Variants in FBXL17 observed in about 807,000 individuals in gnomAD.
FBXL17 encodes the protein F-box/LRR-repeat protein 17.
In FBXL17, 22 loss-of-function variants were observed where a neutral mutation model predicts 66.2. That is an observed-to-expected ratio of 0.33 (90% CI 0.24 to 0.47). The LOEUF is 0.47. FBXL17 is among the 20% of genes least tolerant of loss of function. The pLI is 1.00. For synonymous variants in FBXL17, 474 were observed against 400.5 expected, an observed-to-expected ratio of 1.18 and a Z score of -2.19; for missense variants, 878 against 948.2, an observed-to-expected ratio of 0.93 and a Z score of 0.97.
At chr5:107,951,914 A>T (rs1027002251) in intron 7 of FBXL17, among the ~76,000 whole-genome samples, 1 of 152,236 alleles carries the variant, frequency 6.6e-6, no homozygotes, top group Non-Finnish European at 1.5e-5. Context: ...AACCAGTTTT[A>T]AAAAAGCAAA....
chr5:108,239,556 C>G (rs530932747), intron 4 of FBXL17, among the ~76,000 whole-genome samples: 3 of 152,300 alleles, frequency 2.0e-5, no homozygotes, highest in Admixed American at 2.0e-4. Context: ...CAGTCAAAAC[C>G]TGAGTTTTGG....
rs543265912 is a variant in FBXL17 at position 108,151,132 on chromosome 5, T to C, written c.1745+34985A>G. 3.9e-5 allele frequency among the ~76,000 whole-genome samples: 6 copies of C among 152,280 alleles called. No individual in the cohort carries two copies. The East Asian group carries it at 1.2e-3, about 29-fold the overall frequency. On this transcript the variant is annotated intron_variant, in intron 6 of 8. Transcript: ENST00000542267. Reference sequence around the variant, plus strand: ...ACTCAGTATAAAGAGTCTCTTTTTTTCCCTAAATCTTTAGAACTTTATCTG... The same window carrying C: ...ACTCAGTATAAAGAGTCTCTTTTTTCCCCTAAATCTTTAGAACTTTATCTG...
intron 6 of FBXL17, among the ~76,000 whole-genome samples, chr5:108,107,317 C>T (rs1749840387): frequency 6.6e-6 from 1 of 152,110 alleles, no homozygotes; most frequent in South Asian, 2.1e-4. Flanking sequence ...GGTGATCCAC[C>T]CACCTTGGCT....
At chr5:108,305,927 A>T (rs1041178921) in intron 4 of FBXL17, among the ~76,000 whole-genome samples, 3 of 152,022 alleles carry the variant, frequency 2.0e-5, no homozygotes, top group Admixed American at 2.0e-4. Context: ...TTTCCTTTTT[A>T]AAAAAATGCC....
chr5:108,053,569 T>C (rs2112828320), intron 6 of FBXL17, among the ~76,000 whole-genome samples: 2 of 152,018 alleles, frequency 1.3e-5, no homozygotes, highest in East Asian at 3.9e-4. Flanking sequence ...TGAGATACCA[T>C]CTCATGCCAG....
At position 108,381,011 on chromosome 5, in the gene FBXL17, A is replaced by ACCGCTGCCGCCG. The variant is rs1749849651; in HGVS notation, c.680_681insCGGCGGCAGCGG (p.Gly229_Gly230insSerGlyGlyGly). On this transcript the variant is annotated inframe_insertion, in exon 1 of 9. Transcript: ENST00000542267. ...CTCCCCCCGCAGGCCCTCCCCCGCCACCGCCGCCGCCGCCGCCGCCGCAGC... is the reference window on the plus strand; with the variant it reads ...CTCCCCCCGCAGGCCCTCCCCCGCCACCGCTGCCGCCGCCGCCGCCGCCGCCGCCGCCGCAGC... 1 of 1,121,420 alleles carries ACCGCTGCCGCCG rather than the reference A, an allele frequency of 8.9e-7. No homozygotes were observed. The highest frequency in any genetic ancestry group is 1.6e-5 in the African/African-American group (1 of 60,686). The allele number at this position is 1,121,420 out of a possible 1,614,324, so 69.5% of individuals were successfully genotyped here. A position where few individuals can be genotyped will look rare whatever the true frequency, so the allele number is the denominator to read the frequency against.
At chr5:108,079,794 G>C (rs951637425) in intron 6 of FBXL17, among the ~76,000 whole-genome samples, 5 of 152,154 alleles carry the variant, frequency 3.3e-5, no homozygotes. Flanking sequence ...GCATAAAACA[G>C]GCTTGTCTCA....
chr5:108,078,948 T>C (rs1340364092), intron 6 of FBXL17, among the ~76,000 whole-genome samples: 1 of 152,176 alleles, frequency 6.6e-6, no homozygotes, highest in Non-Finnish European at 1.5e-5. Flanking sequence ...ACTCTGTTGC[T>C]CATGCTGCAG....
At chr5:108,153,455 T>C (rs574194918) in intron 6 of FBXL17, among the ~76,000 whole-genome samples, 1 of 152,364 alleles carries the variant, frequency 6.6e-6, no homozygotes, top group African/African-American at 2.4e-5. Flanking sequence ...CAATTTGTTC[T>C]GCATACTTTG....
At chr5:108,289,703 G>C (rs1409437581) in intron 4 of FBXL17, among the ~76,000 whole-genome samples, 1 of 152,122 alleles carries the variant, frequency 6.6e-6, no homozygotes, top group African/African-American at 2.4e-5. Flanking sequence ...TTCCAATCCT[G>C]TAACTGTGTT....
intron 7 of FBXL17, among the ~76,000 whole-genome samples, chr5:108,007,114 T>A (rs1753956793): frequency 6.6e-6 from 1 of 152,210 alleles, no homozygotes; most frequent in African/African-American, 2.4e-5. Context: ...ATTTTAAGGT[T>A]TTAAATGGAA....
chr5:107,889,842 G>A (rs1384217790), intron 7 of FBXL17, among the ~76,000 whole-genome samples: 1 of 152,134 alleles, frequency 6.6e-6, no homozygotes, highest in Non-Finnish European at 1.5e-5. Flanking sequence ...AAATTTGATT[G>A]AGTATGTAGA....
chr5:108,138,097 A>T (rs1751213400), intron 6 of FBXL17, among the ~76,000 whole-genome samples: 1 of 152,218 alleles, frequency 6.6e-6, no homozygotes, highest in Admixed American at 6.5e-5. Flanking sequence ...TCAAAAGGAC[A>T]AGATTGTTGG....
chr5:108,235,928 A>C (rs1205807264), intron 4 of FBXL17, among the ~76,000 whole-genome samples: 1 of 152,252 alleles, frequency 6.6e-6, no homozygotes, highest in Non-Finnish European at 1.5e-5. Flanking sequence ...TATTGATTTT[A>C]TTGGTTCCAT....
intron 4 of FBXL17, among the ~76,000 whole-genome samples, chr5:108,280,547 G>C (rs1757660166): frequency 6.6e-6 from 1 of 151,454 alleles, no homozygotes; most frequent in Non-Finnish European, 1.5e-5. Flanking sequence ...ACACAAAGGA[G>C]AAAGGGAAAG....
chr5:107,874,501 G>C (rs1440398946), intron 8 of FBXL17, among the ~76,000 whole-genome samples: 1 of 152,144 alleles, frequency 6.6e-6, no homozygotes, highest in Non-Finnish European at 1.5e-5. Flanking sequence ...TTTTTCAGTT[G>C]GTGAATTTGA....
intron 4 of FBXL17, among the ~76,000 whole-genome samples, chr5:108,243,626 T>C (rs780521314): frequency 6.6e-6 from 1 of 152,200 alleles, no homozygotes; most frequent in Non-Finnish European, 1.5e-5. Context: ...TTTAACTCTC[T>C]GAAAGTAAAG....
At chr5:108,247,301 TGGAAATGAGGTAG>T (rs2150108987) in intron 4 of FBXL17, among the ~76,000 whole-genome samples, 1 of 151,146 alleles carries the variant, frequency 6.6e-6, no homozygotes, top group Admixed American at 6.6e-5. Flanking sequence ...ATTCCAGAGA[TGGAAATGAGGTAG>T]GGACCATTGT....
At chr5:108,291,594 T>C (rs1014347489) in intron 4 of FBXL17, among the ~76,000 whole-genome samples, 1 of 152,164 alleles carries the variant, frequency 6.6e-6, no homozygotes, top group Admixed American at 6.5e-5. Flanking sequence ...AAAATGAAAA[T>C]AATGAAGTGA....
Sources: gnomAD v4.1 joint callset for allele counts (sites outside exome capture counted in the v4.1 genomes callset) on GRCh38, gnomAD v4.1.1 for gene constraint, MANE v1.5 for transcripts, NCBI Gene and HGNC (gene_info 2026-07-23, HGNC 2026-07-21) for gene names.